The following CHL1 variants were observed in gnomAD, a reference collection of about 807,000 sequenced individuals.
The protein encoded by CHL1 is cell adhesion molecule L1 like.
Under a neutral mutation model 141.9 loss-of-function variants are expected in CHL1, and 96 were observed. The observed-to-expected ratio is 0.68, with a 90% CI of 0.57 to 0.80. The LOEUF (loss-of-function observed/expected upper bound fraction) is 0.80. Ranked by LOEUF, CHL1 falls within the 30% of genes least tolerant of loss-of-function variation. The pLI is 0.00. For synonymous variants in CHL1, 613 were observed against 502.2 expected (o/e 1.22, Z -2.95); for missense variants, 1,820 against 1,457.2 (o/e 1.25, Z -4.05).
At chr3:250,380 T>G (rs1313847903) in intron 2 of CHL1, among the ~76,000 whole-genome samples, 1 of 152,150 alleles carries the variant, frequency 6.6e-6, no homozygotes, top group East Asian at 1.9e-4. Context: ...TGTGTAGAAG[T>G]GACAAGACAA....
intron 2 of CHL1, among the ~76,000 whole-genome samples, chr3:289,914 C>T (rs1041012581): frequency 5.5e-4 from 78 of 142,430 alleles, no homozygotes; most frequent in African/African-American, 2.0e-3. Context: ...CACATAGATA[C>T]ATTGCTCCAC....
chr3:250,008 C>G (rs1693538205), intron 2 of CHL1, among the ~76,000 whole-genome samples: 1 of 151,758 alleles, frequency 6.6e-6, no homozygotes, highest in South Asian at 2.1e-4. Context: ...ACTCTGTCAC[C>G]CAGGTTGGAA....
chr3:299,523 T>G (rs1698521404), intron 2 of CHL1, among the ~76,000 whole-genome samples: 1 of 152,176 alleles, frequency 6.6e-6, no homozygotes, highest in Non-Finnish European at 1.5e-5. Flanking sequence ...CTACCAATTT[T>G]GAGAAATTAC....
intron 2 of CHL1, among the ~76,000 whole-genome samples, chr3:307,008 A>G (rs761664234): frequency 6.6e-6 from 1 of 152,234 alleles, no homozygotes; most frequent in Non-Finnish European, 1.5e-5. Context: ...CTAATGGTGT[A>G]TAACTTGCTC....
At chr3:333,152 G>A (rs1466025592) in intron 5 of CHL1, among the ~76,000 whole-genome samples, 1 of 15,946 alleles carries the variant, frequency 6.3e-5, no homozygotes, top group Non-Finnish European at 2.9e-4. Context: ...TTTTGCTGCT[G>A]CTGCAGAAAA....
At chr3:271,378 G>A (rs1425434788) in intron 2 of CHL1, among the ~76,000 whole-genome samples, 1 of 152,210 alleles carries the variant, frequency 6.6e-6, no homozygotes, top group Non-Finnish European at 1.5e-5. Flanking sequence ...GTTGGAGACT[G>A]CAGTGAGCTG....
At chr3:312,153 A>T (rs1243205405) in intron 2 of CHL1, among the ~76,000 whole-genome samples, 1 of 152,210 alleles carries the variant, frequency 6.6e-6, no homozygotes, top group Non-Finnish European at 1.5e-5. Flanking sequence ...AAATGATATT[A>T]TTAATGATAT....
chr3:334,607 T>A (rs1301229260), intron 5 of CHL1, among the ~76,000 whole-genome samples: 1 of 152,238 alleles, frequency 6.6e-6, no homozygotes, highest in Non-Finnish European at 1.5e-5. Context: ...CATATATCAG[T>A]AGTTTATTTC....
At chr3:273,356 A>G (rs140560892) in intron 2 of CHL1, among the ~76,000 whole-genome samples, 1 of 152,230 alleles carries the variant, frequency 6.6e-6, no homozygotes, top group Non-Finnish European at 1.5e-5. Flanking sequence ...TCCTTACCCA[A>G]GAACCTGAAT....
rs971391577 is a variant in CHL1, at chr3:291,143, G to A, written c.-94-28540G>A. Among the ~76,000 whole-genome samples the A allele has an allele frequency of 2.0e-5, 3 of 152,042 alleles. No individual in the cohort carries two copies. In the East Asian group the frequency reaches 5.8e-4, roughly 29 times the overall value. ...TAATATTTGTATTTCATTATGAGTA[G>A]TGAACTAGTATCTCTTGTAATGCAA... On this transcript the variant is annotated intron_variant, in intron 2 of 27. Transcript: ENST00000256509.
chr3:383,382 G>A (rs944077005), intron 18 of CHL1, among the ~76,000 whole-genome samples: 5 of 152,136 alleles, frequency 3.3e-5, no homozygotes, highest in African/African-American at 1.2e-4. Context: ...AAACTTGGCT[G>A]CTGATATTAA....
At chr3:199,633 A>G (rs1343735379) in intron 1 of CHL1, among the ~76,000 whole-genome samples, 1 of 152,200 alleles carries the variant, frequency 6.6e-6, no homozygotes, top group Non-Finnish European at 1.5e-5. Flanking sequence ...AAATATAGGC[A>G]TTTCTTGGTG....
chr3:226,874 A>T (rs1296154481), intron 1 of CHL1, among the ~76,000 whole-genome samples: 1 of 152,204 alleles, frequency 6.6e-6, no homozygotes, highest in Non-Finnish European at 1.5e-5. Context: ...AGTAGACTTC[A>T]TATAGGAGAG....
rs1706525992 is a variant in CHL1, at chr3:377,810, T to TC, written c.1752-7dup. ...CTTCTCATCATGTACTCACTTTTTT[T>TC]CTGATAGGATAATTATTGATGGAGC... On this transcript the variant is annotated splice_polypyrimidine_tract_variant and splice_region_variant and intron_variant, in intron 15 of 27. Transcript: ENST00000256509. The TC allele has an allele frequency of 1.3e-6, 2 of 1,598,400 alleles. No homozygotes were observed. Among genetic ancestry groups the TC allele is most frequent in the Non-Finnish European group, 1.7e-6 (2 of 1,170,856 alleles).
intron 2 of CHL1, among the ~76,000 whole-genome samples, chr3:261,081 C>T (rs553332520): frequency 3.3e-4 from 50 of 152,312 alleles, no homozygotes; most frequent in African/African-American, 1.1e-3. Flanking sequence ...GTCACTACTT[C>T]TGCCTCTCAG....
At chr3:211,482 T>A (rs1343521024) in intron 1 of CHL1, among the ~76,000 whole-genome samples, 1 of 152,164 alleles carries the variant, frequency 6.6e-6, no homozygotes, top group Non-Finnish European at 1.5e-5. Context: ...CCATGTCTGG[T>A]GTGGGTTCAA....
At chr3:279,352 T>C (rs1025934814) in intron 2 of CHL1, among the ~76,000 whole-genome samples, 7 of 152,188 alleles carry the variant, frequency 4.6e-5, no homozygotes, top group Non-Finnish European at 8.8e-5. Flanking sequence ...AATATTTATT[T>C]TAATCGAGGG....
intron 2 of CHL1, among the ~76,000 whole-genome samples, chr3:292,408 G>A (rs192802968): frequency 1.3e-5 from 2 of 152,270 alleles, no homozygotes; most frequent in East Asian, 1.9e-4. Context: ...CAAGAATCAG[G>A]TTTTATAGTC....
chr3:315,029 G>A (rs1475702122), intron 2 of CHL1, among the ~76,000 whole-genome samples: 1 of 152,030 alleles, frequency 6.6e-6, no homozygotes, highest in Non-Finnish European at 1.5e-5. Flanking sequence ...TTTGTAAGTT[G>A]TTATGATTTT....
Sources: gnomAD v4.1 joint callset for allele counts (sites outside exome capture counted in the v4.1 genomes callset) on GRCh38, gnomAD v4.1.1 for gene constraint, MANE v1.5 for transcripts, NCBI Gene and HGNC (gene_info 2026-07-23, HGNC 2026-07-21) for gene names.